BTD: variants seen among roughly 807,000 people sequenced by gnomAD.
BTD encodes biotinidase, also known as biocytinase.
In BTD, 13 loss-of-function variants were observed where a neutral mutation model predicts 17.7. The ratio of observed to expected loss-of-function variants is 0.74; its 90% CI spans 0.48 to 1.17. BTD has a LOEUF of 1.17. BTD is among the 50% of genes most tolerant of loss of function. The probability of loss-of-function intolerance (pLI) is 0.00; values close to 1 mark genes in which losing one functional copy is unlikely to be tolerated. For synonymous variants in BTD, 240 were observed against 245.2 expected, an observed-to-expected ratio of 0.98 and a Z score of 0.20; for missense variants, 674 against 650.4, an observed-to-expected ratio of 1.04 and a Z score of -0.39.
intron 3 of BTD, among the ~76,000 whole-genome samples, chr3:15,675,722 GTTAGATAAC>G (rs1324898603): frequency 6.6e-6 from 1 of 152,202 alleles, no homozygotes; most frequent in East Asian, 1.9e-4. Context: ...AAGTACATCT[GTTAGATAAC>G]TTTTCCTATT....
Position 15,645,668 on chromosome 3 carries a change from C to G in BTD, c.*180C>G, listed in dbSNP as rs112280794. On this transcript the variant is annotated 3_prime_UTR_variant, in exon 4 of 4. Coordinates refer to ENST00000643237, the MANE Select transcript of BTD (RefSeq NM_001370658.1). ...GAGAGGCAGATTCCCTCAGTGTCTT[C>G]CTCTTAAACCTCAATCATCGAGACA... 4.8e-6 allele frequency: 3 copies of G among 630,776 alleles called. No homozygotes were observed. Among genetic ancestry groups the G allele is most frequent in the African/African-American group, 1.8e-5 (1 of 54,526 alleles). 39.1% of individuals were successfully genotyped at this position (630,776 alleles called of 1,614,324 possible).
At chr3:15,639,695 A>T (rs1490358732) in intron 2 of BTD, among the ~76,000 whole-genome samples, 1 of 152,228 alleles carries the variant, frequency 6.6e-6, no homozygotes, top group Non-Finnish European at 1.5e-5. Flanking sequence ...TAGGTTTGAG[A>T]TAATTTTTCT....
intron 4 of BTD, among the ~76,000 whole-genome samples, chr3:15,718,551 A>G (rs1442638744): frequency 9.2e-5 from 14 of 152,170 alleles, no homozygotes; most frequent in Admixed American, 7.9e-4. Flanking sequence ...CAGGTACTAT[A>G]GTCACCTAAG....
At chr3:15,608,726 C>T (rs1174839079) in intron 1 of BTD, among the ~76,000 whole-genome samples, 1 of 151,446 alleles carries the variant, frequency 6.6e-6, no homozygotes, top group Non-Finnish European at 1.5e-5. Flanking sequence ...AGATTGCGCC[C>T]CTGCACTCCA....
intron 3 of BTD, among the ~76,000 whole-genome samples, chr3:15,710,036 GT>G (rs34686530): frequency 8.2e-5 from 12 of 146,336 alleles, no homozygotes; most frequent in Non-Finnish European, 1.3e-4. Context: ...TTGCTTATAG[GT>G]TTTTTTTTTT....
intron 1 of BTD, among the ~76,000 whole-genome samples, chr3:15,616,843 T>C (rs1379292304): frequency 6.6e-6 from 1 of 152,166 alleles, no homozygotes; most frequent in Non-Finnish European, 1.5e-5. Flanking sequence ...ATTTTATTTA[T>C]GTATTTTTTT....
At chr3:15,709,605 T>C (rs746278204) in intron 3 of BTD, 51 of 1,146,328 alleles carry the variant, frequency 4.4e-5, no homozygotes, top group Non-Finnish European at 5.8e-5. Context: ...AGAAGCCAGT[T>C]AGAAGGTCAA....
intron 3 of BTD, chr3:15,696,381 A>G (rs1575202753): frequency 1.8e-6 from 1 of 546,030 alleles, no homozygotes; most frequent in East Asian, 3.1e-5. Context: ...ATTACACTAT[A>G]AAAATGTCAT....
chr3:15,700,690 C>T (rs1402109825), intron 3 of BTD, among the ~76,000 whole-genome samples: 3 of 152,098 alleles, frequency 2.0e-5, no homozygotes, highest in African/African-American at 7.2e-5. Context: ...AGGAGAATTG[C>T]TTGAACTCAG....
rs2064249531 is a variant in BTD, at chr3:15,601,756, G to T, written c.-155G>T. The T allele has an allele frequency of 6.2e-7, 1 of 1,600,540 alleles. No individual in the cohort carries two copies. The highest frequency in any genetic ancestry group is 1.3e-5 in the African/African-American group (1 of 74,962). On this transcript the variant is annotated 5_prime_UTR_variant, in exon 1 of 4. Transcript: ENST00000643237. Reference sequence around the variant, plus strand: ...GAGGCGGGACTAGCAGGAGATTGCTGCCTATGCAAAGCAGGTAAGAAGCCG... The same window carrying T: ...GAGGCGGGACTAGCAGGAGATTGCTTCCTATGCAAAGCAGGTAAGAAGCCG...
intron 1 of BTD, among the ~76,000 whole-genome samples, chr3:15,616,897 A>G (rs2125378057): frequency 6.6e-6 from 1 of 151,942 alleles, no homozygotes; most frequent in East Asian, 1.9e-4. Context: ...CAGTGGTGCA[A>G]TCTCGGCTCA....
chr3:15,601,520 G>T (rs1468601462), upstream of BTD: 1 of 1,608,870 alleles, frequency 6.2e-7, no homozygotes, highest in Non-Finnish European at 8.5e-7. Context: ...GAATCATCCA[G>T]CAAGGCAAAC....
Position 15,635,624 on chromosome 3 carries a change from C to T in BTD, c.185C>T (p.Ala62Val), listed in dbSNP as rs397507171. ...CTGGCTCTCATCAGCCGCCAAGAGG[C>T]CTTGGAGCTCATGAACCAGAACCTT... ...NPLALISRQE[A>V]LELMNQNLDI... Residue 62 changes from alanine (A) to valine (V), a missense_variant, in exon 2 of 4, where the codon GCC (alanine) becomes GTC (valine). Ala to Val is a moderately conservative substitution (Grantham distance 64). Coordinates refer to ENST00000643237, the MANE Select transcript of BTD (RefSeq NM_001370658.1). This position sits in a 1 kb window ranked among gnomAD's most constrained non-coding sequence, Gnocchi z 4.1. 5.0e-6 allele frequency: 8 copies of T among 1,614,214 alleles called. No homozygotes were observed. The highest frequency in any genetic ancestry group is 1.7e-5 in the Admixed American group (1 of 60,030).
intron 3 of BTD, among the ~76,000 whole-genome samples, chr3:15,644,091 A>G (rs900453674): frequency 6.6e-6 from 1 of 151,516 alleles, no homozygotes; most frequent in Non-Finnish European, 1.5e-5. Context: ...AGCTCCGCCT[A>G]CTGGGTTCAC....
intron 3 of BTD, chr3:15,708,016 A>C (rs2071690341): frequency 6.2e-7 from 1 of 1,611,062 alleles, no homozygotes; most frequent in African/African-American, 1.3e-5. Context: ...CCACAAGAGC[A>C]AACAGGCACT....
At chr3:15,637,313 C>G (rs530104445) in intron 2 of BTD, among the ~76,000 whole-genome samples, 1 of 152,228 alleles carries the variant, frequency 6.6e-6, no homozygotes, top group African/African-American at 2.4e-5. Flanking sequence ...CTGTCGCATT[C>G]TAGATGTTGT....
chr3:15,623,732 G>A (rs776524820), intron 1 of BTD, among the ~76,000 whole-genome samples: 4 of 152,154 alleles, frequency 2.6e-5, no homozygotes, highest in Non-Finnish European at 5.9e-5. Flanking sequence ...TGTCATGATA[G>A]AGTTCTCATG....
intron 1 of BTD, among the ~76,000 whole-genome samples, chr3:15,605,446 A>G (rs570671313): frequency 2.6e-5 from 4 of 152,326 alleles, no homozygotes; most frequent in African/African-American, 9.6e-5. Flanking sequence ...ATAATTCAAG[A>G]TGAGATTTGA....
intron 3 of BTD, chr3:15,677,121 C>A: frequency 8.0e-7 from 1 of 1,245,790 alleles, no homozygotes. Flanking sequence ...ATACACCCAA[C>A]AATCTGCAAT....
Sources: allele counts gnomAD v4.1 joint callset (sites outside exome capture counted in the v4.1 genomes callset), GRCh38; gene constraint gnomAD v4.1.1; non-coding constraint Gnocchi (gnomAD v3.1); transcripts MANE v1.5; gene names NCBI Gene and HGNC (gene_info 2026-07-23, HGNC 2026-07-21).